NPL: variants seen among roughly 807,000 people sequenced by gnomAD.
NPL encodes N-acetylneuraminate pyruvate lyase.
NPL carries 32 observed loss-of-function variants against 41.1 expected under a neutral mutation model. The observed-to-expected ratio is 0.78, with a 90% CI of 0.59 to 1.05. NPL has a LOEUF of 1.05. Ranked by LOEUF, NPL falls within the 50% of genes least tolerant of loss-of-function variation. The pLI is 0.00. For synonymous variants in NPL, 128 were observed against 134.9 expected, an observed-to-expected ratio of 0.95 and a Z score of 0.35; for missense variants, 321 against 378.4, an observed-to-expected ratio of 0.85 and a Z score of 1.26.
At chr1:182,796,737 C>T (rs529029219) in intron 3 of NPL, among the ~76,000 whole-genome samples, 3 of 152,162 alleles carry the variant, frequency 2.0e-5, no homozygotes, top group East Asian at 3.9e-4. Flanking sequence ...GATCTTGTCA[C>T]CTTTTGAGAG....
At chr1:182,791,766 G>A (rs534950297) in intron 1 of NPL, among the ~76,000 whole-genome samples, 8 of 152,128 alleles carry the variant, frequency 5.3e-5, no homozygotes, top group East Asian at 1.9e-4. Context: ...ACAAGACTAC[G>A]GAGTTTTATT....
chr1:182,792,837 A>G (rs886868261), intron 2 of NPL, among the ~76,000 whole-genome samples: 1 of 152,236 alleles, frequency 6.6e-6, no homozygotes, highest in African/African-American at 2.4e-5. Flanking sequence ...ACTCTTGGGG[A>G]AGAAAAATAG....
At chr1:182,814,341 T>A (rs954723975) in intron 6 of NPL, among the ~76,000 whole-genome samples, 7 of 152,282 alleles carry the variant, frequency 4.6e-5, no homozygotes, top group African/African-American at 1.7e-4. Context: ...TCTTCTGTGA[T>A]GTATATAATC....
intron 8 of NPL, among the ~76,000 whole-genome samples, chr1:182,817,654 G>A (rs529311033): frequency 3.9e-5 from 6 of 152,252 alleles, no homozygotes; most frequent in Admixed American, 6.5e-5. Context: ...TATAAATCAG[G>A]GTTCCAATTA....
chr1:182,797,034 C>CAGAAAAAAAA (rs1666691001), intron 3 of NPL, among the ~76,000 whole-genome samples: 1 of 96,018 alleles, frequency 1.0e-5, no homozygotes, highest in Non-Finnish European at 2.2e-5. Context: ...GAATATGTCT[C>CAGAAAAAAAA]AAAAAAAAAA....
chr1:182,811,011 C>A (rs189445293), intron 5 of NPL, among the ~76,000 whole-genome samples: 1 of 152,252 alleles, frequency 6.6e-6, no homozygotes, highest in Non-Finnish European at 1.5e-5. Context: ...GATTTCTTCC[C>A]TAGTGCTTGA....
At chr1:182,812,008 A>T in intron 5 of NPL, 148 bp from the exon 6 acceptor site, 1 of 730,940 alleles carries the variant, frequency 1.4e-6, no homozygotes. Context: ...AAGCCCCTTT[A>T]AGTAGATTAA....
chr1:182,808,730 A>G (rs1667092045), intron 5 of NPL, among the ~76,000 whole-genome samples: 1 of 152,106 alleles, frequency 6.6e-6, no homozygotes, highest in South Asian at 2.1e-4. Context: ...CAAGGCAGGC[A>G]GATTGCTTAA....
At chr1:182,805,990 GAA>G (rs1217101466) in intron 4 of NPL, among the ~76,000 whole-genome samples, 153 bp from the exon 5 acceptor site, 2 of 152,168 alleles carry the variant, frequency 1.3e-5, no homozygotes, top group Non-Finnish European at 2.9e-5. Flanking sequence ...GGTGAAAGTG[GAA>G]AAAAGATGGA....
chr1:182,805,451 G>A (rs1378743625), intron 4 of NPL, among the ~76,000 whole-genome samples: 1 of 152,038 alleles, frequency 6.6e-6, no homozygotes, highest in Admixed American at 6.6e-5. Context: ...AAATAAAATA[G>A]AAATGATTGT....
intron 6 of NPL, 69 bp downstream of exon 6, chr1:182,812,282 A>G: frequency 1.5e-5 from 20 of 1,365,080 alleles, no homozygotes; most frequent in Non-Finnish European, 1.8e-5. Flanking sequence ...AGTTAAAATC[A>G]GTACTATATT....
chr1:182,806,090 G>C, intron 4 of NPL, 55 bp from the exon 5 acceptor site: 1 of 1,610,452 alleles, frequency 6.2e-7, no homozygotes, highest in Non-Finnish European at 8.5e-7. Context: ...CAGACTCGGG[G>C]TTGGAGAAGC....
At chr1:182,811,751 C>A (rs1342450567) in intron 5 of NPL, among the ~76,000 whole-genome samples, 4 of 152,308 alleles carry the variant, frequency 2.6e-5, no homozygotes, top group African/African-American at 9.6e-5. Context: ...CATGAAACCT[C>A]CATGATACTG....
At chr1:182,813,405 A>G (rs936807546) in intron 6 of NPL, among the ~76,000 whole-genome samples, 2 of 152,234 alleles carry the variant, frequency 1.3e-5, no homozygotes, top group African/African-American at 2.4e-5. Context: ...GCAAAGGAAT[A>G]TCTATCATTA....
intron 2 of NPL, 37 bp from the exon 3 acceptor site, chr1:182,794,319 T>C (rs977036379): frequency 5.1e-6 from 8 of 1,560,474 alleles, no homozygotes; most frequent in Non-Finnish European, 7.1e-6. Flanking sequence ...TTGACATTCC[T>C]TGAAGAAAGA....
At chr1:182,802,583 G>A (rs548080496) in intron 3 of NPL, among the ~76,000 whole-genome samples, 1 of 152,308 alleles carries the variant, frequency 6.6e-6, no homozygotes, top group South Asian at 2.1e-4. Flanking sequence ...TGCGGTGGCA[G>A]CCAGCTAGCA....
intron 5 of NPL, among the ~76,000 whole-genome samples, chr1:182,811,110 C>T (rs1426794889): frequency 6.6e-6 from 1 of 152,146 alleles, no homozygotes; most frequent in African/African-American, 2.4e-5. Flanking sequence ...AGCACTTTTA[C>T]ATAAATATGT....
In NPL at chr1:182,822,195, A is replaced by G. The variant is rs771939484; in HGVS notation, c.734A>G (p.Tyr245Cys). 1.2e-6 allele frequency: 2 copies of G among 1,604,532 alleles called. No individual in the cohort carries two copies. The highest frequency in any genetic ancestry group is 2.7e-5 in the African/African-American group (2 of 74,738). The change falls in exon 11 of 13, where the codon TAT becomes TGT. Residue 245 changes from tyrosine to cysteine, a missense_variant. Physicochemically the swap from Tyr to Cys is radical, Grantham distance 194. Transcript: ENST00000367553. ...AAGGACTTCTCTTTAGCCCTGAACT[A>G]TCAGGTAAACGTTTTCTTCTCTTCC... is the stretch of plus-strand genomic sequence containing the variant. ...EQKDFSLALN[Y>C]QFCIQRFINF...
intron 3 of NPL, among the ~76,000 whole-genome samples, chr1:182,794,666 A>T (rs1666608066): frequency 6.6e-6 from 1 of 152,228 alleles, no homozygotes; most frequent in African/African-American, 2.4e-5. Context: ...GCAGAAAGGG[A>T]GAAGGTGAGA....
Sources: allele counts gnomAD v4.1 joint callset (sites outside exome capture counted in the v4.1 genomes callset), GRCh38; gene constraint gnomAD v4.1.1; transcripts MANE v1.5; gene names NCBI Gene and HGNC (gene_info 2026-07-23, HGNC 2026-07-21).